The following GTF2IRD1 variants were observed in gnomAD, a reference collection of about 807,000 sequenced individuals.
GTF2IRD1 encodes general transcription factor II-I repeat domain-containing protein 1.
Under a neutral mutation model 113.2 loss-of-function variants are expected in GTF2IRD1, and 26 were observed. That is an observed-to-expected ratio of 0.23 (90% CI 0.17 to 0.32). The LOEUF (loss-of-function observed/expected upper bound fraction) is 0.32, where lower values mean the gene tolerates loss of function less well. GTF2IRD1 is among the 10% of genes least tolerant of loss of function. GTF2IRD1 has a pLI of 1.00. For missense variants in GTF2IRD1, 864 were observed against 1,280.8 expected, an observed-to-expected ratio of 0.67 and a Z score of 4.97; for synonymous variants, 484 against 529.1, an observed-to-expected ratio of 0.91 and a Z score of 1.17.
chr7:74,530,608 A>AC (rs1797907917), intron 9 of GTF2IRD1, among the ~76,000 whole-genome samples: 1 of 149,276 alleles, frequency 6.7e-6, no homozygotes, highest in African/African-American at 2.5e-5. Context: ...AAAAAAAAAA[A>AC]AGGCGGCAGG....
chr7:74,560,542 A>G (rs1799888457), intron 22 of GTF2IRD1, among the ~76,000 whole-genome samples: 1 of 147,302 alleles, frequency 6.8e-6, no homozygotes, highest in South Asian at 2.1e-4. Flanking sequence ...AATATTATAT[A>G]TAATTAAAAA....
intron 1 of GTF2IRD1, among the ~76,000 whole-genome samples, chr7:74,498,755 C>T (rs1554338700): frequency 6.7e-6 from 1 of 149,074 alleles, no homozygotes; most frequent in African/African-American, 2.5e-5. Flanking sequence ...ATAAGATGGA[C>T]TCTCACTCTT....
chr7:74,546,218 C>CT (rs1222914895), intron 16 of GTF2IRD1, among the ~76,000 whole-genome samples: 1,778 of 126,480 alleles, frequency 0.014, 20 homozygotes, highest in African/African-American at 0.032. Flanking sequence ...CCATGTTTTT[C>CT]TTTTTTTTTT....
intron 19 of GTF2IRD1, among the ~76,000 whole-genome samples, chr7:74,556,040 A>C (rs1333930909): frequency 6.6e-6 from 1 of 152,118 alleles, no homozygotes; most frequent in African/African-American, 2.4e-5. Flanking sequence ...ACTTGAGGCC[A>C]GGAGTTCAAG....
Position 74,512,794 on chromosome 7 carries a change from G to A in GTF2IRD1, c.124-36G>A. On this transcript the variant is annotated intron_variant, in intron 2 of 26. Transcript: ENST00000424337. The surrounding 1 kb of genome is among the most constrained non-coding windows in gnomAD (Gnocchi z 4.4). The stretch of plus-strand genomic sequence containing the variant: ...ATACTAGAGGTGTTCGGAGTATGGG[G>A]AGCCCTTCCGCTCACACAGCCTGCC... 1 of 1,607,124 alleles carries A rather than the reference G, an allele frequency of 6.2e-7. No individual in the cohort carries two copies.
In GTF2IRD1 at chr7:74,538,688, G is replaced by C; in HGVS notation, c.1456G>C (p.Gly486Arg). The change falls in exon 13 of 27, where the codon GGG (glycine) becomes CGG (arginine). Residue 486 changes from glycine (G) to arginine (R), a missense_variant. This residue lies in a region of GTF2IRD1 where 218 missense variants were observed against 352.6 expected (regional missense o/e 0.62). Transcript: ENST00000424337. ...TCCTTTCCTCCTTGCAGGAACCTCC[G>C]GGGAGCTGGGCGGGCTGAGGCCGAT... The part of the protein sequence containing the change: ...MSEDCGPGTS[G>R]ELGGLRPIKI... 6.3e-7 allele frequency: 1 copy of C among 1,593,142 alleles called. No individual in the cohort carries two copies. The highest frequency in any genetic ancestry group is 2.2e-5 in the East Asian group (1 of 44,804).
intron 1 of GTF2IRD1, among the ~76,000 whole-genome samples, chr7:74,499,865 C>T (rs1427022980): frequency 6.6e-6 from 1 of 151,902 alleles, no homozygotes; most frequent in Non-Finnish European, 1.5e-5. Context: ...TGAATGCACA[C>T]AAAGGAATGA....
chr7:74,559,721 G>A, intron 22 of GTF2IRD1, 66 bp downstream of exon 22: 19 of 1,344,390 alleles, frequency 1.4e-5, no homozygotes, highest in Non-Finnish European at 1.8e-5. Flanking sequence ...GGGGACTGGA[G>A]CTAAGCCTGC....
chr7:74,477,424 G>A (rs1794489943), intron 1 of GTF2IRD1, among the ~76,000 whole-genome samples: 1 of 151,668 alleles, frequency 6.6e-6, no homozygotes, highest in Non-Finnish European at 1.5e-5. Flanking sequence ...GGCAGGGCAG[G>A]GCTGGGTGAC....
intron 10 of GTF2IRD1, 143 bp downstream of exon 10, chr7:74,535,281 G>C: frequency 1.4e-6 from 1 of 726,630 alleles, no homozygotes. Flanking sequence ...TCTGTGTCCT[G>C]GGACAGAAAT....
At chr7:74,528,448 A>G (rs1797729947) in intron 8 of GTF2IRD1, among the ~76,000 whole-genome samples, 1 of 151,944 alleles carries the variant, frequency 6.6e-6, no homozygotes, top group Non-Finnish European at 1.5e-5. Flanking sequence ...AGCATTTCCC[A>G]ACAACTGTAG....
At position 74,566,005 on chromosome 7, in the gene GTF2IRD1, A is replaced by AC. The variant is rs1554360583; in HGVS notation, c.2320+6350_2320+6351insC. ...AAGACCCTCTCTCTAAAAGACACACAAACACACACACACACACACACACAC... is the reference window on the plus strand; with the variant it reads ...AAGACCCTCTCTCTAAAAGACACACACAACACACACACACACACACACACAC... On this transcript the variant is annotated intron_variant, in intron 22 of 26. Transcript: ENST00000424337. Among the ~76,000 whole-genome samples, 553 of 135,662 alleles carry AC rather than the reference A, an allele frequency of 4.1e-3. 1 individual carries two copies. The highest frequency in any genetic ancestry group is 0.015 in the African/African-American group (499 of 32,218). The allele number at this position is 135,662 out of a possible 152,430, so 89.0% of individuals were successfully genotyped here. A position where few individuals can be genotyped will look rare whatever the true frequency, so the allele number is the denominator to read the frequency against.
At chr7:74,565,221 C>T (rs1800224999) in intron 22 of GTF2IRD1, among the ~76,000 whole-genome samples, 1 of 152,168 alleles carries the variant, frequency 6.6e-6, no homozygotes, top group South Asian at 2.1e-4. Context: ...CCTGCAGCGG[C>T]ACTGAATTAA....
At chr7:74,467,105 C>T (rs1793771147) in intron 1 of GTF2IRD1, among the ~76,000 whole-genome samples, 1 of 152,068 alleles carries the variant, frequency 6.6e-6, no homozygotes, top group Admixed American at 6.6e-5. Context: ...CCTGCCAACA[C>T]ACCCGGCTAG....
At chr7:74,572,388 T>C (rs1800746958) in intron 22 of GTF2IRD1, among the ~76,000 whole-genome samples, 1 of 152,232 alleles carries the variant, frequency 6.6e-6, no homozygotes, top group African/African-American at 2.4e-5. Flanking sequence ...TTGCTACCTG[T>C]GATCTTGGAT....
intron 24 of GTF2IRD1, among the ~76,000 whole-genome samples, chr7:74,593,342 G>A (rs587744903): frequency 5.5e-5 from 8 of 146,444 alleles, no homozygotes; most frequent in South Asian, 2.2e-4. Context: ...TTGGGAGGCC[G>A]AGGTGGGTGA....
rs1483367390 is a variant in GTF2IRD1, at chr7:74,568,750, G to A, written c.2320+9095G>A. Among the ~76,000 whole-genome samples, 5 of 152,188 alleles carry A rather than the reference G, an allele frequency of 3.3e-5. 1 individual carries two copies. Among genetic ancestry groups the A allele is most frequent in the African/African-American group, 1.2e-4 (5 of 41,462 alleles). On this transcript the variant is annotated intron_variant, in intron 22 of 26. Transcript: ENST00000424337. ...CTCTCTGCCTGCTCCTTCTCTCAGG[G>A]AGGGACAGGGGAGGGTGATGAGTCA...
chr7:74,591,301 AAT>A (rs1562898347), intron 24 of GTF2IRD1, among the ~76,000 whole-genome samples: 2 of 151,364 alleles, frequency 1.3e-5, no homozygotes, highest in Non-Finnish European at 2.9e-5. Context: ...TTTAAATATA[AAT>A]ATGTTTATTT....
chr7:74,600,901 C>T (rs1251459020), intron 25 of GTF2IRD1, 143 bp from the exon 26 acceptor site: 3 of 841,366 alleles, frequency 3.6e-6, no homozygotes, highest in Non-Finnish European at 5.7e-6. Flanking sequence ...ACAGGTGGGC[C>T]CTGACCCCCA....
Sources: gnomAD v4.1 joint callset for allele counts (sites outside exome capture counted in the v4.1 genomes callset) on GRCh38, gnomAD v4.1.1 for gene constraint, gnomAD v4.1.1 regional missense constraint, Gnocchi (gnomAD v3.1) non-coding constraint, MANE v1.5 for transcripts, NCBI Gene and HGNC (gene_info 2026-07-23, HGNC 2026-07-21) for gene names.